DSCAM: variants seen among roughly 807,000 people sequenced by gnomAD.
DSCAM encodes the protein DS cell adhesion molecule.
A neutral mutation model predicts 217.7 loss-of-function variants in DSCAM; 47 were observed. That is an observed-to-expected ratio of 0.22 (90% confidence interval 0.17 to 0.28). DSCAM has a LOEUF of 0.28. DSCAM is among the 10% of genes least tolerant of loss of function. The pLI is 1.00. For synonymous variants in DSCAM, 1,056 were observed against 1,015.3 expected (o/e 1.04, Z -0.76); for missense variants, 2,080 against 2,618.3 (o/e 0.79, Z 4.49).
rs2089642783 is a variant in DSCAM, at chr21:40,093,877, G to A, written c.3697-3C>T. 2 of 1,612,144 alleles carry A rather than the reference G, an allele frequency of 1.2e-6. No homozygotes were observed. The highest frequency in any genetic ancestry group is 8.5e-7 in the Non-Finnish European group (1 of 1,179,324). On this transcript the variant is annotated splice_polypyrimidine_tract_variant and splice_region_variant and intron_variant, in intron 20 of 32. Transcript: ENST00000400454. ...GAGGCCTCAAACTCGCTGATCACCT[G>A]TAAAAAGAGACATAAGTGTTCCCAC...
intron 20 of DSCAM, among the ~76,000 whole-genome samples, chr21:40,112,070 T>C (rs190266189): frequency 1.3e-5 from 2 of 150,816 alleles, no homozygotes; most frequent in African/African-American, 2.4e-5. Context: ...GCGGACCTAA[T>C]AGACATCTAC....
chr21:40,381,863 T>G (rs1345356922), intron 3 of DSCAM, among the ~76,000 whole-genome samples: 1 of 152,234 alleles, frequency 6.6e-6, no homozygotes, highest in Non-Finnish European at 1.5e-5. Flanking sequence ...AATGTATCAG[T>G]GTGTATCAAA....
intron 3 of DSCAM, among the ~76,000 whole-genome samples, chr21:40,433,256 G>T (rs982676248): frequency 1.1e-4 from 16 of 149,056 alleles, no homozygotes; most frequent in Non-Finnish European, 2.4e-4. Context: ...GGCTGAGGCA[G>T]AAGAATTGCT....
intron 11 of DSCAM, among the ~76,000 whole-genome samples, chr21:40,261,755 C>T (rs1316230297): frequency 6.6e-6 from 1 of 151,738 alleles, no homozygotes; most frequent in African/African-American, 2.4e-5. Context: ...ATAAATAGCA[C>T]TATCTCTCTA....
intron 3 of DSCAM, among the ~76,000 whole-genome samples, chr21:40,407,105 T>C (rs895602949): frequency 3.9e-5 from 6 of 152,314 alleles, no homozygotes; most frequent in South Asian, 2.1e-4. Context: ...CAATGTATTG[T>C]ATACCTGAAA....
intron 3 of DSCAM, among the ~76,000 whole-genome samples, chr21:40,417,667 C>T (rs1330718139): frequency 1.3e-5 from 2 of 151,874 alleles, no homozygotes; most frequent in African/African-American, 2.4e-5. Flanking sequence ...CAGATATTTC[C>T]GGTCTGGTTC....
At chr21:40,839,620 T>C (rs765417219) in intron 1 of DSCAM, among the ~76,000 whole-genome samples, 3 of 152,040 alleles carry the variant, frequency 2.0e-5, no homozygotes, top group Non-Finnish European at 2.9e-5. Context: ...ATAATATTTC[T>C]GCAAGGGTTG....
intron 1 of DSCAM, among the ~76,000 whole-genome samples, chr21:40,752,932 T>C (rs1346839918): frequency 6.6e-6 from 1 of 152,106 alleles, no homozygotes; most frequent in Non-Finnish European, 1.5e-5. Context: ...AAGTAATAGA[T>C]GAAATAGATG....
intron 6 of DSCAM, among the ~76,000 whole-genome samples, chr21:40,346,598 TA>T (rs1301387290): frequency 6.6e-6 from 1 of 152,210 alleles, no homozygotes; most frequent in Non-Finnish European, 1.5e-5. Context: ...CAGGTAGTGA[TA>T]AATATATGTT....
At chr21:40,359,880 C>G (rs2123669942) in intron 4 of DSCAM, among the ~76,000 whole-genome samples, 1 of 152,246 alleles carries the variant, frequency 6.6e-6, no homozygotes, top group Middle Eastern at 3.4e-3. Flanking sequence ...TGTGGCACGA[C>G]TCCATGCATT....
intron 3 of DSCAM, among the ~76,000 whole-genome samples, chr21:40,601,891 T>C (rs2077064633): frequency 6.6e-6 from 1 of 152,142 alleles, no homozygotes; most frequent in South Asian, 2.1e-4. Flanking sequence ...ATTCTTTTTA[T>C]ACATTGTTGG....
intron 3 of DSCAM, among the ~76,000 whole-genome samples, chr21:40,495,574 T>C (rs548846279): frequency 8.1e-4 from 123 of 152,246 alleles, no homozygotes; most frequent in African/African-American, 2.7e-3. Context: ...AAAGCTAACA[T>C]TGTACACAAT....
At chr21:40,310,417 A>C in intron 9 of DSCAM, among the ~76,000 whole-genome samples, 1 of 152,138 alleles carries the variant, frequency 6.6e-6, no homozygotes, top group East Asian at 1.9e-4. Flanking sequence ...TGTGAAGCAC[A>C]TTTTCTTCCT....
chr21:40,139,901 G>A (rs1032731361), intron 18 of DSCAM, among the ~76,000 whole-genome samples: 1 of 150,170 alleles, frequency 6.7e-6, no homozygotes, highest in African/African-American at 2.5e-5. Flanking sequence ...TGTGTGAGGT[G>A]TGGTGTGTGT....
intron 3 of DSCAM, among the ~76,000 whole-genome samples, chr21:40,585,959 C>T (rs1488465373): frequency 4.6e-5 from 7 of 152,178 alleles, no homozygotes; most frequent in African/African-American, 1.4e-4. Context: ...CAAGTTCAAG[C>T]GATTCGCCTG....
intron 26 of DSCAM, among the ~76,000 whole-genome samples, chr21:40,075,551 C>A (rs1206167171): frequency 3.9e-5 from 6 of 152,184 alleles, no homozygotes; most frequent in Non-Finnish European, 7.3e-5. Flanking sequence ...TTGACTGTCA[C>A]CCACAGTACA....
At chr21:40,743,621 T>A (rs558921069) in intron 1 of DSCAM, among the ~76,000 whole-genome samples, 13 of 152,258 alleles carry the variant, frequency 8.5e-5, no homozygotes, top group African/African-American at 2.9e-4. Flanking sequence ...TTTAAAAAAT[T>A]AAAATTTGAG....
At chr21:40,378,598 T>A (rs1462105753) in intron 3 of DSCAM, among the ~76,000 whole-genome samples, 2 of 61,814 alleles carry the variant, frequency 3.2e-5, no homozygotes, top group African/African-American at 1.3e-4. Flanking sequence ...TTTTTTTTTT[T>A]TTTTTTTTTT....
At chr21:40,328,361 G>A (rs1479036642) in intron 8 of DSCAM, among the ~76,000 whole-genome samples, 1 of 152,062 alleles carries the variant, frequency 6.6e-6, no homozygotes, top group African/African-American at 2.4e-5. Context: ...GGAGCCAAGA[G>A]CACACAATGG....
Sources: gnomAD v4.1 joint callset for allele counts (sites outside exome capture counted in the v4.1 genomes callset) on GRCh38, gnomAD v4.1.1 for gene constraint, MANE v1.5 for transcripts, NCBI Gene and HGNC (gene_info 2026-07-23, HGNC 2026-07-21) for gene names.